CUX1: variants seen among roughly 807,000 people sequenced by gnomAD.
CUX1 encodes protein CASP.
CUX1 carries 31 observed loss-of-function variants against 158.8 expected under a neutral mutation model. The ratio of observed to expected loss-of-function variants is 0.20; its 90% CI spans 0.15 to 0.26. The LOEUF is 0.26. CUX1 is among the 10% of genes least tolerant of loss of function. CUX1 has a pLI of 1.00. For synonymous variants in CUX1, 879 were observed against 862.1 expected, an observed-to-expected ratio of 1.02 and a Z score of -0.34; for missense variants, 1,589 against 2,014.6, an observed-to-expected ratio of 0.79 and a Z score of 4.04.
At chr7:102,174,155 T>C (rs77293376) in intron 10 of CUX1, among the ~76,000 whole-genome samples, 1,852 of 152,276 alleles carry the variant, frequency 0.012, 11 homozygotes, top group South Asian at 0.039. Flanking sequence ...AGCCCCGCTC[T>C]GTCACCCAGG....
chr7:102,156,235 G>A (rs997935431), intron 8 of CUX1, among the ~76,000 whole-genome samples: 14 of 152,144 alleles, frequency 9.2e-5, no homozygotes, highest in African/African-American at 3.1e-4. Context: ...TTCTGTTGCT[G>A]CAACAGAACA....
downstream of CUX1, among the ~76,000 whole-genome samples, chr7:102,260,137 T>G (rs1351936573): frequency 6.6e-6 from 1 of 151,150 alleles, no homozygotes; most frequent in Non-Finnish European, 1.5e-5. Context: ...CTCAAAGTCT[T>G]TTTCCTCAGA....
At chr7:101,964,029 G>A (rs1243194413) in intron 2 of CUX1, among the ~76,000 whole-genome samples, 2 of 152,068 alleles carry the variant, frequency 1.3e-5, no homozygotes, top group Non-Finnish European at 2.9e-5. Flanking sequence ...TCGGGAGATC[G>A]GGTGTTCTTG....
chr7:102,151,978 A>C (rs1835737348), intron 8 of CUX1, among the ~76,000 whole-genome samples: 1 of 152,140 alleles, frequency 6.6e-6, no homozygotes, highest in Non-Finnish European at 1.5e-5. Context: ...AAACTAAGGC[A>C]GGAGGATCGC....
At position 101,938,375 on chromosome 7, in the gene CUX1, G is replaced by A. The variant is rs564726768; in HGVS notation, c.141+22150G>A. ...TCCTGTGTCAGCCTCCCAAAGTGCT[G>A]TAGTTACAGGCATGAGCCACTGTGC... On this transcript the variant is annotated intron_variant, in intron 2 of 23. Transcript: ENST00000292535. 3.9e-4 allele frequency among the ~76,000 whole-genome samples: 60 copies of A among 152,274 alleles called. 1 individual carries two copies. The South Asian group carries it at 0.012, about 31-fold the overall frequency.
chr7:102,017,916 A>G (rs139112815), intron 2 of CUX1, among the ~76,000 whole-genome samples: 1 of 152,324 alleles, frequency 6.6e-6, no homozygotes, highest in African/African-American at 2.4e-5. Context: ...TAGATACATC[A>G]GTAAATCACA....
intron 2 of CUX1, among the ~76,000 whole-genome samples, chr7:101,948,425 G>A (rs765345161): frequency 6.6e-6 from 1 of 151,756 alleles, no homozygotes; most frequent in African/African-American, 2.4e-5. Flanking sequence ...TTTCATAGGG[G>A]AACGTGGTGC....
At position 102,254,722 on chromosome 7, in the gene CUX1, G is replaced by A. The variant is rs1272861635; in HGVS notation, c.*5680G>A. ...TCGACGACATTAGGGAAGCCTTTGTGACCACAAGGGCAGGGCTTGTGCCCT... is the reference window on the plus strand; with the variant it reads ...TCGACGACATTAGGGAAGCCTTTGTAACCACAAGGGCAGGGCTTGTGCCCT... On this transcript the variant is annotated 3_prime_UTR_variant, in exon 24 of 24. Coordinates refer to ENST00000292535, the MANE Select transcript of CUX1 (RefSeq NM_181552.4). The A allele has an allele frequency of 1.0e-6, 1 of 985,376 alleles. No homozygotes were observed. The highest frequency in any genetic ancestry group is 6.1e-5 in the Admixed American group (1 of 16,270). The allele number at this position is 985,376 out of a possible 1,614,324, so 61.0% of individuals were successfully genotyped here.
intron 7 of CUX1, among the ~76,000 whole-genome samples, chr7:102,114,695 T>C (rs527465788): frequency 3.9e-5 from 6 of 152,230 alleles, no homozygotes; most frequent in South Asian, 2.1e-4. Flanking sequence ...CTGGGCGACA[T>C]AGCAAAACCC....
At chr7:101,987,673 G>A (rs919202433) in intron 2 of CUX1, among the ~76,000 whole-genome samples, 4 of 152,190 alleles carry the variant, frequency 2.6e-5, no homozygotes, top group African/African-American at 9.7e-5. Context: ...TTTCCCGGCC[G>A]CTGCGGTGTC....
chr7:101,921,162 T>G (rs1414345746), intron 2 of CUX1, among the ~76,000 whole-genome samples: 1 of 152,310 alleles, frequency 6.6e-6, no homozygotes, highest in East Asian at 1.9e-4. Flanking sequence ...ACATACTTAG[T>G]AGCTGTGCGT....
rs1210129203 is a variant in CUX1 at position 102,187,506 on chromosome 7, C to T, written c.1018-2307C>T. Among the ~76,000 whole-genome samples the T allele has an allele frequency of 5.9e-5, 9 of 152,094 alleles. No individual in the cohort carries two copies. The East Asian group carries it at 1.2e-3, about 20-fold the overall frequency. ...GCACCCAGGTCAGAAGTGACAGACT[C>T]GAGTTCCAGGCTCAGGCTGTCGGCC... On this transcript the variant is annotated intron_variant, in intron 11 of 23. Transcript: ENST00000292535.
At chr7:101,957,672 G>A (rs1462205477) in intron 2 of CUX1, among the ~76,000 whole-genome samples, 1 of 152,144 alleles carries the variant, frequency 6.6e-6, no homozygotes, top group Non-Finnish European at 1.5e-5. Flanking sequence ...GTTGCAGTGA[G>A]CTGAGATCAC....
chr7:102,119,661 G>A (rs1831828275), intron 8 of CUX1, among the ~76,000 whole-genome samples: 1 of 152,166 alleles, frequency 6.6e-6, no homozygotes, highest in Non-Finnish European at 1.5e-5. Context: ...CAAGGTTTCC[G>A]ATTATAACCA....
intron 2 of CUX1, among the ~76,000 whole-genome samples, chr7:101,968,505 C>G (rs531467597): frequency 1.3e-5 from 2 of 152,278 alleles, no homozygotes; most frequent in East Asian, 3.9e-4. Flanking sequence ...TCACCGCAGC[C>G]TCCGTCTCCC....
intron 2 of CUX1, among the ~76,000 whole-genome samples, chr7:101,977,121 C>T (rs1038652465): frequency 2.6e-5 from 4 of 151,980 alleles, no homozygotes; most frequent in East Asian, 3.9e-4. Context: ...CCATGTTGGC[C>T]AGGCTGGTCT....
At chr7:101,845,824 C>T (rs527651097) in intron 1 of CUX1, among the ~76,000 whole-genome samples, 9 of 152,184 alleles carry the variant, frequency 5.9e-5, no homozygotes, top group Admixed American at 2.6e-4. Context: ...GCCTGGCCAA[C>T]GTGGTAAAAC....
chr7:102,124,503 A>G (rs886402372), intron 8 of CUX1, among the ~76,000 whole-genome samples: 3 of 151,790 alleles, frequency 2.0e-5, no homozygotes, highest in African/African-American at 7.3e-5. Context: ...ATGGAGCCTT[A>G]CAAAAGGAAA....
intron 1 of CUX1, among the ~76,000 whole-genome samples, chr7:101,843,693 CAAGTT>C (rs1795395855): frequency 6.6e-6 from 1 of 152,152 alleles, no homozygotes; most frequent in African/African-American, 2.4e-5. Context: ...TTCTGTCAAA[CAAGTT>C]AAGTGATAGG....
Sources: allele counts gnomAD v4.1 joint callset (sites outside exome capture counted in the v4.1 genomes callset), GRCh38; gene constraint gnomAD v4.1.1; transcripts MANE v1.5; gene names NCBI Gene and HGNC (gene_info 2026-07-23, HGNC 2026-07-21).